EML1: variants seen among roughly 807,000 people sequenced by gnomAD.
EML1 encodes echinoderm microtubule-associated protein-like 1.
In EML1, 27 loss-of-function variants were observed where a neutral mutation model predicts 110.4. The ratio of observed to expected loss-of-function variants is 0.24; its 90% CI spans 0.18 to 0.34. The LOEUF is 0.34. Among genes scored for constraint, EML1 ranks in the 10% least tolerant of loss-of-function variants. The pLI is 1.00. For missense variants in EML1, 741 were observed against 1,030.9 expected (o/e 0.72, Z 3.85); for synonymous variants, 344 against 385.8 (o/e 0.89, Z 1.27).
intron 1 of EML1, among the ~76,000 whole-genome samples, chr14:99,746,496 C>T (rs1009676268): frequency 2.0e-5 from 3 of 152,122 alleles, no homozygotes; most frequent in Non-Finnish European, 2.9e-5. Flanking sequence ...GAGGTTTCCA[C>T]AGGATGGGGT....
At chr14:99,871,724 A>G (rs1402922155) in intron 3 of EML1, among the ~76,000 whole-genome samples, 1 of 152,196 alleles carries the variant, frequency 6.6e-6, no homozygotes, top group East Asian at 1.9e-4. Context: ...CTGAGTTGCT[A>G]CGATCTCCTG....
At chr14:99,851,446 T>C (rs1441839541) in intron 2 of EML1, among the ~76,000 whole-genome samples, 1 of 152,170 alleles carries the variant, frequency 6.6e-6, no homozygotes, top group Non-Finnish European at 1.5e-5. Flanking sequence ...TAGCTGGGAC[T>C]ACAGGCGCCC....
chr14:99,847,894 T>C (rs1462748467), intron 1 of EML1, among the ~76,000 whole-genome samples: 1 of 152,164 alleles, frequency 6.6e-6, no homozygotes, highest in East Asian at 1.9e-4. Context: ...TGTCTTTGTA[T>C]TTAAAGTGTA....
At chr14:99,853,378 G>A (rs1163548235) in intron 2 of EML1, among the ~76,000 whole-genome samples, 1 of 151,970 alleles carries the variant, frequency 6.6e-6, no homozygotes, top group Non-Finnish European at 1.5e-5. Flanking sequence ...GTGCCCGTGG[G>A]AGGGGCATGC....
chr14:99,850,812 G>C, intron 1 of EML1, 41 bp from the exon 2 acceptor site: 1 of 1,595,654 alleles, frequency 6.3e-7, no homozygotes, highest in Non-Finnish European at 8.6e-7. Flanking sequence ...TCTGATTTCC[G>C]GGGAACACTT....
At chr14:99,769,182 A>G (rs1427803693), upstream of EML1, among the ~76,000 whole-genome samples, 1 of 152,172 alleles carries the variant, frequency 6.6e-6, no homozygotes, top group East Asian at 1.9e-4. Context: ...TTTCTCAGCC[A>G]GCCTCTGAGC....
At chr14:99,854,112 G>A (rs1389859589) in intron 2 of EML1, among the ~76,000 whole-genome samples, 3 of 152,208 alleles carry the variant, frequency 2.0e-5, no homozygotes, top group African/African-American at 7.2e-5. Context: ...CCACCAAGAA[G>A]CAGGCAGGTA....
intron 1 of EML1, among the ~76,000 whole-genome samples, chr14:99,759,818 G>A (rs1444192826): frequency 6.6e-6 from 1 of 152,172 alleles, no homozygotes; most frequent in African/African-American, 2.4e-5. Flanking sequence ...CATGCATCAA[G>A]AGCTGTGAGA....
At chr14:99,849,923 G>A (rs1042600124) in intron 1 of EML1, among the ~76,000 whole-genome samples, 45 of 149,832 alleles carry the variant, frequency 3.0e-4, no homozygotes, top group African/African-American at 1.1e-3. Context: ...TTGCGCCACT[G>A]CGCTCCAGCC....
intron 1 of EML1, among the ~76,000 whole-genome samples, chr14:99,782,866 T>G (rs1190733824): frequency 6.6e-6 from 1 of 152,176 alleles, no homozygotes; most frequent in East Asian, 1.9e-4. Flanking sequence ...TTCTGGCCAT[T>G]TCTTTTTATT....
intron 2 of EML1, among the ~76,000 whole-genome samples, chr14:99,863,927 C>T (rs1027953690): frequency 6.6e-6 from 1 of 152,242 alleles, no homozygotes; most frequent in African/African-American, 2.4e-5. Context: ...TCCACAGTGG[C>T]TGTACTATTT....
At chr14:99,829,648 C>T (rs1045312490) in intron 1 of EML1, among the ~76,000 whole-genome samples, 3 of 152,138 alleles carry the variant, frequency 2.0e-5, no homozygotes, top group African/African-American at 4.8e-5. Flanking sequence ...CCTCCCAGCC[C>T]GTGGTAACCC....
At chr14:99,883,994 A>T (rs1277905784) in intron 4 of EML1, among the ~76,000 whole-genome samples, 4 of 152,262 alleles carry the variant, frequency 2.6e-5, no homozygotes, top group African/African-American at 9.6e-5. Flanking sequence ...GCCACAGCCA[A>T]GTGTTAATCC....
chr14:99,742,774 C>T (rs1030445705), intron 1 of EML1, among the ~76,000 whole-genome samples: 1 of 152,112 alleles, frequency 6.6e-6, no homozygotes, highest in South Asian at 2.1e-4. Flanking sequence ...CTCTCCTCTC[C>T]GAGCCTCGGC....
At chr14:99,870,522 G>C (rs905090497) in intron 3 of EML1, among the ~76,000 whole-genome samples, 1 of 152,198 alleles carries the variant, frequency 6.6e-6, no homozygotes, top group African/African-American at 2.4e-5. Flanking sequence ...TTGGAGGAAG[G>C]TGCCATCTAG....
At chr14:99,823,072 G>T (rs2058291197) in intron 1 of EML1, among the ~76,000 whole-genome samples, 1 of 152,186 alleles carries the variant, frequency 6.6e-6, no homozygotes, top group South Asian at 2.1e-4. Flanking sequence ...CCTCCGGGAA[G>T]AAGACCCAGC....
intron 12 of EML1, among the ~76,000 whole-genome samples, chr14:99,910,778 C>T (rs900336362): frequency 2.0e-5 from 3 of 152,136 alleles, no homozygotes; most frequent in African/African-American, 7.2e-5. Flanking sequence ...AAATCCCCTG[C>T]TGTCTGTGAG....
At chr14:99,869,087 A>G (rs895772914) in intron 3 of EML1, among the ~76,000 whole-genome samples, 1 of 152,184 alleles carries the variant, frequency 6.6e-6, no homozygotes, top group Non-Finnish European at 1.5e-5. Context: ...TGTTTAATTT[A>G]AAGATTGACT....
chr14:99,785,324 G>A (rs147573955), intron 1 of EML1, among the ~76,000 whole-genome samples: 1,704 of 152,210 alleles, frequency 0.011, 30 homozygotes, highest in African/African-American at 0.039. Flanking sequence ...CAAAGTGTTG[G>A]GATTACAGGC....
Sources: gnomAD v4.1 joint callset for allele counts (sites outside exome capture counted in the v4.1 genomes callset) on GRCh38, gnomAD v4.1.1 for gene constraint, MANE v1.5 for transcripts, NCBI Gene and HGNC (gene_info 2026-07-23, HGNC 2026-07-21) for gene names.